The following FOXM1 variants were observed in gnomAD, a reference collection of about 807,000 sequenced individuals.
The protein encoded by FOXM1 is forkhead box protein M1.
A neutral mutation model predicts 63.6 loss-of-function variants in FOXM1; 25 were observed. That is an observed-to-expected ratio of 0.39 (90% CI 0.29 to 0.55). The LOEUF is 0.55. FOXM1 is among the 20% of genes least tolerant of loss of function. The pLI, the probability that FOXM1 is intolerant of heterozygous loss-of-function variation, is 0.60. For missense variants in FOXM1, 879 were observed against 958.7 expected, an observed-to-expected ratio of 0.92 and a Z score of 1.10; for synonymous variants, 387 against 376.9, an observed-to-expected ratio of 1.03 and a Z score of -0.31.
chr12:2,868,689 A>C lies in FOXM1; in HGVS notation c.720T>G (p.Ser240=). The C allele has an allele frequency of 1.9e-6, 3 of 1,613,958 alleles. No individual in the cohort carries two copies. The African/African-American group carries it at 4.0e-5, about 22-fold the overall frequency. ...TGGCGAATTGTATCATGGCCATGTA[A>C]GAGTAGGGTGGCCGCTCAGACACAG... ...QNSVSERPPY[S]YMAMIQFAIN... The change falls in exon 4 of 9, where the codon TCT becomes TCG. Residue 240 remains serine (S), a synonymous_variant. Transcript: ENST00000359843.
In FOXM1 at chr12:2,859,228, T is replaced by C; in HGVS notation, c.1702A>G (p.Thr568Ala). 6.2e-7 allele frequency: 1 copy of C among 1,613,488 alleles called. No individual in the cohort carries two copies. Among genetic ancestry groups the C allele is most frequent in the Non-Finnish European group, 8.5e-7 (1 of 1,179,932 alleles). Residue 568 changes from threonine to alanine, a missense_variant, in exon 9 of 9, where the codon ACT (threonine) becomes GCT (alanine). By Grantham distance (58) the Thr-to-Ala change is moderately conservative. Coordinates refer to ENST00000359843, the MANE Select transcript of FOXM1 (RefSeq NM_021953.4). Reference sequence around the variant, plus strand: ...GGGAGCTCTGCGGCCCAGCGGGAAGTACTGGGCCCCTCTGAGAAGAGCAGC... The same window carrying C: ...GGGAGCTCTGCGGCCCAGCGGGAAGCACTGGGCCCCTCTGAGAAGAGCAGC... ...PELLFSEGPS[T>A]SRWAAELPFP... is the part of the protein sequence containing the mutation.
intron 4 of FOXM1, chr12:2,868,340 C>A: frequency 2.5e-6 from 1 of 396,522 alleles, no homozygotes; most frequent in Non-Finnish European, 4.4e-6. Context: ...CATTGAAGAC[C>A]CTCCATGGAC....
At position 2,858,897 on chromosome 12, in the gene FOXM1, C is replaced by A. The variant is rs751169233; in HGVS notation, c.2033G>T (p.Ser678Ile). ...PPLESPQRLLSSEPLDLISVP... is the reference protein window; with the variant it reads ...PPLESPQRLLISEPLDLISVP... ...GGAGATGAGGTCTAAGGGTTCTGAA[C>A]TGAGGAGCCTTTGCGGTGATTCAAG... is the stretch of plus-strand genomic sequence containing the variant. The change falls in exon 9 of 9, where the codon AGT becomes ATT. Residue 678 changes from serine to isoleucine, a missense_variant. Transcript: ENST00000359843. The A allele has an allele frequency of 1.2e-6, 2 of 1,613,842 alleles. No homozygotes were observed. Among genetic ancestry groups the A allele is most frequent in the Admixed American group, 3.3e-5 (2 of 59,982 alleles).
Position 2,859,195 on chromosome 12 carries a change from C to T in FOXM1, c.1735G>A (p.Ala579Thr). The change falls in exon 9 of 9, where the codon GCA becomes ACA. Residue 579 changes from alanine (A) to threonine (T), a missense_variant. Physicochemically the swap from Ala to Thr is moderately conservative, Grantham distance 58 (BLOSUM62 0). Around this residue, in one of 4 missense-constraint regions of FOXM1, gnomAD observed 486 missense variants for 453.5 expected, o/e 1.07. Transcript: ENST00000359843. ...TGGGAGGCAGGGTCAGAGGAGTCTG[C>T]TGGGAACGGGAGCTCTGCGGCCCAG... ...SRWAAELPFP[A>T]DSSDPASQLS... The T allele has an allele frequency of 1.2e-6, 2 of 1,611,060 alleles. No individual in the cohort carries two copies. Among genetic ancestry groups the T allele is most frequent in the African/African-American group, 1.3e-5 (1 of 74,954 alleles).
intron 3 of FOXM1, among the ~76,000 whole-genome samples, chr12:2,870,920 T>C (rs969611185): frequency 4.6e-5 from 6 of 129,628 alleles, no homozygotes; most frequent in African/African-American, 1.8e-4. Flanking sequence ...ATCGCAGCAC[T>C]GCACTCCAGC....
chr12:2,861,876 T>C (rs28918673), intron 8 of FOXM1, among the ~76,000 whole-genome samples: 1,819 of 152,278 alleles, frequency 0.012, 37 homozygotes, highest in African/African-American at 0.041. Flanking sequence ...CCATGAGGCA[T>C]TGTTGAGTTA....
rs556937133 is a variant in FOXM1 at position 2,874,988 on chromosome 12, ATTTTTTTTTTT to A, written c.-47-474_-47-464del. Among the ~76,000 whole-genome samples, 1 of 127,164 alleles carries A rather than the reference ATTTTTTTTTTT, an allele frequency of 7.9e-6. No individual in the cohort carries two copies. The highest frequency in any genetic ancestry group is 8.3e-5 in the Admixed American group (1 of 12,004). The allele number at this position is 127,164 out of a possible 152,430, so 83.4% of individuals were successfully genotyped here. A position where few individuals can be genotyped will look rare whatever the true frequency, so the allele number is the denominator to read the frequency against. ...AATCCATTCAAGACAAAGGATTTTA[ATTTTTTTTTTT>A]TTTTTTTTTTTGAGACAGAGTCTCA... On this transcript the variant is annotated intron_variant, in intron 1 of 8. Transcript: ENST00000359843. This position sits in a 1 kb window ranked among gnomAD's most constrained non-coding sequence, Gnocchi z 4.3.
chr12:2,863,436 T>C (rs2153934331), intron 8 of FOXM1, among the ~76,000 whole-genome samples: 1 of 152,292 alleles, frequency 6.6e-6, no homozygotes, highest in South Asian at 2.1e-4. Flanking sequence ...TTGCCCAGGC[T>C]GGAGTGCAGT....
Position 2,859,268 on chromosome 12 carries a change from A to G in FOXM1, c.1662T>C (p.Cys554=), listed in dbSNP as rs779761386. ...AGAAGAGCAGCTCCGGCTCATCCAC[A>G]CAGGGAGGCAGTAGATGCTGTTTTC... is the stretch of plus-strand genomic sequence containing the variant. ...SRRKQHLLPP[C]VDEPELLFSE... is the part of the protein sequence containing the mutation. The change falls in exon 9 of 9, where the codon TGT becomes TGC. Residue 554 remains cysteine, a synonymous_variant. Coordinates refer to ENST00000359843, the MANE Select transcript of FOXM1 (RefSeq NM_021953.4). 8 of 1,613,584 alleles carry G rather than the reference A, an allele frequency of 5.0e-6. No homozygotes were observed. In the South Asian group the frequency reaches 7.7e-5, roughly 16 times the overall value.
chr12:2,866,625 A>C, intron 4 of FOXM1, 104 bp from the exon 5 acceptor site: 1 of 1,259,544 alleles, frequency 7.9e-7, no homozygotes, highest in Non-Finnish European at 1.1e-6. Flanking sequence ...CACTGTGCTC[A>C]GCACAGGCTT....
At chr12:2,869,582 C>T (rs546131593) in intron 3 of FOXM1, among the ~76,000 whole-genome samples, 2 of 150,478 alleles carry the variant, frequency 1.3e-5, no homozygotes, top group East Asian at 3.9e-4. Context: ...ATTACAGGTG[C>T]CTGCCACCAC....
At chr12:2,862,287 A>G (rs142892478) in intron 8 of FOXM1, among the ~76,000 whole-genome samples, 1 of 152,282 alleles carries the variant, frequency 6.6e-6, no homozygotes, top group East Asian at 1.9e-4. Flanking sequence ...ATCGCTATAC[A>G]TGTATAGTAT....
chr12:2,864,338 T>C lies in FOXM1; in HGVS notation c.1248A>G (p.Arg416=), dbSNP rs1363243899. The change falls in exon 8 of 9, where the codon CGA becomes CGG. Residue 416 remains arginine (R), a synonymous_variant. Transcript: ENST00000359843. The surrounding 1 kb of genome is among the most constrained non-coding windows in gnomAD (Gnocchi z 5.1). ...CACCCACCTTGGGGGCAATGCGGACTCGCTTGCTATGGCGGGCAAGCTCTG... is the reference window on the plus strand; with the variant it reads ...CACCCACCTTGGGGGCAATGCGGACCCGCTTGCTATGGCGGGCAAGCTCTG... ...MSSELARHSK[R]VRIAPKVLLA... 1.2e-6 allele frequency: 2 copies of C among 1,613,124 alleles called. No individual in the cohort carries two copies. Among genetic ancestry groups the C allele is most frequent in the East Asian group, 4.5e-5 (2 of 44,840 alleles).
chr12:2,859,719 A>C, intron 8 of FOXM1, 56 bp from the exon 9 acceptor site: 1 of 1,291,428 alleles, frequency 7.7e-7, no homozygotes, highest in Non-Finnish European at 1.1e-6. Context: ...GACGCACAAA[A>C]ATATCACATA....
rs147929093 is a variant in FOXM1 at position 2,858,663 on chromosome 12, G to A, written c.2267C>T (p.Ser756Phe). 41 of 1,614,058 alleles carry A rather than the reference G, an allele frequency of 2.5e-5. No homozygotes were observed. In the African/African-American group the frequency reaches 4.5e-4, roughly 18 times the overall value. Residue 756 changes from serine to phenylalanine, a missense_variant, in exon 9 of 9, where the codon TCC becomes TTC. This residue lies in a region of FOXM1 where 486 missense variants were observed against 453.5 expected (regional missense o/e 1.07). Transcript: ENST00000359843. The part of the protein sequence containing the change: ...DPLGPDNINW[S>F]QFIPELQ ...CTACTGTAGCTCAGGAATAAACTGG[G>A]ACCAGTTGATGTTGTCAGGGCCCAG... is the stretch of plus-strand genomic sequence containing the variant.
chr12:2,859,157 G>T lies in FOXM1; in HGVS notation c.1773C>A (p.Ser591=). ...SSDPASQLSY[S]QEVGGPFKTP... is the part of the protein sequence containing the mutation. ...TCTTAAAAGGTCCTCCCACTTCCTG[G>T]GAGTAGCTGAGCTGGGAGGCAGGGT... The change falls in exon 9 of 9, where the codon TCC becomes TCA. Residue 591 remains serine, a synonymous_variant. Coordinates refer to ENST00000359843, the MANE Select transcript of FOXM1 (RefSeq NM_021953.4). 1 of 1,607,102 alleles carries T rather than the reference G, an allele frequency of 6.2e-7. No homozygotes were observed. The highest frequency in any genetic ancestry group is 1.1e-5 in the South Asian group (1 of 90,968).
rs901283494 is a variant in FOXM1 at position 2,864,069 on chromosome 12, T to G, written c.1266+251A>C. 4.4e-6 allele frequency: 2 copies of G among 450,954 alleles called. No individual in the cohort carries two copies. Among genetic ancestry groups the G allele is most frequent in the Non-Finnish European group, 4.0e-6 (1 of 249,576 alleles). The allele number at this position is 450,954 out of a possible 1,614,324, so 27.9% of individuals were successfully genotyped here. A position where few individuals can be genotyped will look rare whatever the true frequency, so the allele number is the denominator to read the frequency against. On this transcript the variant is annotated intron_variant, in intron 8 of 8. Coordinates refer to ENST00000359843, the MANE Select transcript of FOXM1 (RefSeq NM_021953.4). This position sits in a 1 kb window ranked among gnomAD's most constrained non-coding sequence, Gnocchi z 5.1. ...TTCCTTAATAATCCTAGCCCATCTATCACAATCACTTTTGTCTGAATTCTT... is the reference window on the plus strand; with the variant it reads ...TTCCTTAATAATCCTAGCCCATCTAGCACAATCACTTTTGTCTGAATTCTT...
Position 2,866,522 on chromosome 12 carries a change from C to G in FOXM1, c.847-1G>C. 1.3e-6 allele frequency: 2 copies of G among 1,525,932 alleles called. No homozygotes were observed. The highest frequency in any genetic ancestry group is 1.8e-6 in the Non-Finnish European group (2 of 1,141,680). The allele number at this position is 1,525,932 out of a possible 1,614,324, so 94.5% of individuals were successfully genotyped here. ...GGGAAAGGTTGTGGCGGATGGAGTTCTGGAAGAAGAGCAAGACAACTGGTT... is the reference window on the plus strand; with the variant it reads ...GGGAAAGGTTGTGGCGGATGGAGTTGTGGAAGAAGAGCAAGACAACTGGTT... On this transcript the variant is annotated splice_acceptor_variant, in intron 4 of 8. Coordinates refer to ENST00000359843, the MANE Select transcript of FOXM1 (RefSeq NM_021953.4). LOFTEE classifies it high-confidence loss of function.
chr12:2,863,869 C>A (rs998620458), intron 8 of FOXM1: 2 of 154,434 alleles, frequency 1.3e-5, no homozygotes, highest in Admixed American at 6.4e-5. Context: ...CCAAGCCCAG[C>A]TAATTTTTGT....
Sources: allele counts gnomAD v4.1 joint callset (sites outside exome capture counted in the v4.1 genomes callset), GRCh38; gene constraint gnomAD v4.1.1; regional missense constraint gnomAD v4.1.1; non-coding constraint Gnocchi (gnomAD v3.1); transcripts MANE v1.5; gene names NCBI Gene and HGNC (gene_info 2026-07-23, HGNC 2026-07-21).